Variants in BBX observed in about 807,000 individuals in gnomAD.
BBX encodes the protein BBX high mobility group box domain containing.
Under a neutral mutation model 100.2 loss-of-function variants are expected in BBX, and 30 were observed. The observed-to-expected ratio is 0.30, with a 90% CI of 0.22 to 0.41. The LOEUF is 0.41. BBX is among the 10% of genes least tolerant of loss of function. The probability of loss-of-function intolerance (pLI) is 1.00; values close to 1 mark genes in which losing one functional copy is unlikely to be tolerated. For missense variants in BBX, 1,023 were observed against 1,129.8 expected, an observed-to-expected ratio of 0.91 and a Z score of 1.35; for synonymous variants, 376 against 388.1, an observed-to-expected ratio of 0.97 and a Z score of 0.37.
At chr3:107,626,059 G>A (rs2056148510) in intron 2 of BBX, among the ~76,000 whole-genome samples, 2 of 152,150 alleles carry the variant, frequency 1.3e-5, no homozygotes, top group South Asian at 4.1e-4. Context: ...CACACAAGCT[G>A]AGACATGATC....
chr3:107,802,910 A>G (rs1466297262), intron 17 of BBX, among the ~76,000 whole-genome samples: 1 of 152,142 alleles, frequency 6.6e-6, no homozygotes, highest in Non-Finnish European at 1.5e-5. Context: ...CTCTTCTCTC[A>G]GTCCTCCTGA....
intron 13 of BBX, among the ~76,000 whole-genome samples, chr3:107,780,067 G>C (rs1294619212): frequency 6.6e-6 from 1 of 152,072 alleles, no homozygotes; most frequent in Non-Finnish European, 1.5e-5. Context: ...AATAAAGTAG[G>C]CTTGTTGACA....
At chr3:107,686,030 C>G (rs1416650362) in intron 3 of BBX, among the ~76,000 whole-genome samples, 1 of 152,118 alleles carries the variant, frequency 6.6e-6, no homozygotes, top group Admixed American at 6.6e-5. Flanking sequence ...GAAGAAGAAA[C>G]TAAGAGTCCT....
At chr3:107,605,388 G>T (rs1371848873) in intron 2 of BBX, among the ~76,000 whole-genome samples, 3 of 144,542 alleles carry the variant, frequency 2.1e-5, no homozygotes, top group Admixed American at 6.9e-5. Flanking sequence ...TTTTTTTTTG[G>T]GGGGGGGATT....
At position 107,670,467 on chromosome 3, in the gene BBX, G is replaced by A. The variant is rs534508138; in HGVS notation, c.-10+24558G>A. Among the ~76,000 whole-genome samples, 5 of 151,988 alleles carry A rather than the reference G, an allele frequency of 3.3e-5. No individual in the cohort carries two copies. In the East Asian group the frequency reaches 9.7e-4, roughly 29 times the overall value. On this transcript the variant is annotated intron_variant, in intron 3 of 17. Transcript: ENST00000325805. ...AGAAGTGATAAATGTTTAGGACAAT[G>A]GATATGCAATAATTACCCTGATCTG...
intron 4 of BBX, among the ~76,000 whole-genome samples, chr3:107,712,575 T>C (rs754147301): frequency 2.0e-5 from 3 of 152,182 alleles, no homozygotes; most frequent in East Asian, 3.9e-4. Flanking sequence ...CTTCAAGATA[T>C]GTTCACAGTT....
At chr3:107,611,999 T>C (rs74867725) in intron 2 of BBX, among the ~76,000 whole-genome samples, 1 of 152,184 alleles carries the variant, frequency 6.6e-6, no homozygotes, top group Non-Finnish European at 1.5e-5. Context: ...AGTTCTACTA[T>C]TTAGAGACTC....
At chr3:107,598,683 G>A (rs2053836567) in intron 2 of BBX, among the ~76,000 whole-genome samples, 1 of 152,104 alleles carries the variant, frequency 6.6e-6, no homozygotes, top group Non-Finnish European at 1.5e-5. Context: ...CACATAGGTG[G>A]TAGGAAAAAA....
chr3:107,744,798 AG>A, intron 8 of BBX, 88 bp downstream of exon 8: 1 of 1,077,704 alleles, frequency 9.3e-7, no homozygotes, highest in Non-Finnish European at 1.4e-6. Context: ...AAAGCAATGA[AG>A]AACTCTACTC....
chr3:107,806,538 G>A lies in BBX; in HGVS notation c.*1081G>A, dbSNP rs965707784. ...GTTTTTAGAGCCATTTTGAGTTTGT[G>A]TTGTTTAGGAGGTACTGAGTCAATG... On this transcript the variant is annotated 3_prime_UTR_variant, in exon 18 of 18. Transcript: ENST00000325805. 2 of 152,192 alleles carry A rather than the reference G, an allele frequency of 1.3e-5. No individual in the cohort carries two copies. Among genetic ancestry groups the A allele is most frequent in the Non-Finnish European group, 2.9e-5 (2 of 68,054 alleles). 9.4% of individuals were successfully genotyped at this position (152,192 alleles called of 1,614,324 possible). A position where few individuals can be genotyped will look rare whatever the true frequency, so the allele number is the denominator to read the frequency against.
At chr3:107,688,613 T>C (rs756762623) in intron 3 of BBX, among the ~76,000 whole-genome samples, 4 of 152,222 alleles carry the variant, frequency 2.6e-5, no homozygotes, top group Non-Finnish European at 5.9e-5. Flanking sequence ...ATATTATCTA[T>C]TCCCTAATGA....
chr3:107,736,422 CT>C (rs1218214489), intron 7 of BBX, among the ~76,000 whole-genome samples: 345 of 145,602 alleles, frequency 2.4e-3, no homozygotes, highest in African/African-American at 4.1e-3. Flanking sequence ...TGAATATCAC[CT>C]TTTTTTTTTT....
intron 2 of BBX, among the ~76,000 whole-genome samples, chr3:107,616,716 A>G (rs559695644): frequency 1.3e-5 from 2 of 152,132 alleles, no homozygotes; most frequent in South Asian, 4.1e-4. Context: ...TAAATTGTTC[A>G]TGTATTTTCT....
intron 15 of BBX, among the ~76,000 whole-genome samples, chr3:107,793,589 A>G (rs1345210760): frequency 6.6e-6 from 1 of 152,158 alleles, no homozygotes; most frequent in Non-Finnish European, 1.5e-5. Context: ...TGACTATATC[A>G]CTGCTTATTG....
At chr3:107,610,482 T>C (rs1038850095) in intron 2 of BBX, among the ~76,000 whole-genome samples, 4 of 152,088 alleles carry the variant, frequency 2.6e-5, no homozygotes, top group African/African-American at 9.7e-5. Flanking sequence ...TCTCTCTTTC[T>C]CTTTAGCTCT....
chr3:107,543,468 A>G (rs558927464), intron 2 of BBX, among the ~76,000 whole-genome samples: 1 of 152,244 alleles, frequency 6.6e-6, no homozygotes, highest in African/African-American at 2.4e-5. Context: ...ATGTATTGTT[A>G]GAATGAAACT....
chr3:107,635,388 T>G (rs566549929), intron 2 of BBX, among the ~76,000 whole-genome samples: 1 of 152,356 alleles, frequency 6.6e-6, no homozygotes, highest in East Asian at 1.9e-4. Context: ...TGTGTGCCAC[T>G]GTCCACTTAA....
At chr3:107,643,501 A>T (rs1318040932) in intron 2 of BBX, among the ~76,000 whole-genome samples, 1 of 152,072 alleles carries the variant, frequency 6.6e-6, no homozygotes, top group African/African-American at 2.4e-5. Flanking sequence ...ACCAGGAGTC[A>T]GGAAGCCAAG....
At chr3:107,785,095 T>G (rs932569634) in intron 13 of BBX, among the ~76,000 whole-genome samples, 15 of 150,950 alleles carry the variant, frequency 9.9e-5, no homozygotes, top group Admixed American at 8.6e-4. Flanking sequence ...CACAAACTAC[T>G]GAAACTGGCT....
Sources: allele counts gnomAD v4.1 joint callset (sites outside exome capture counted in the v4.1 genomes callset), GRCh38; gene constraint gnomAD v4.1.1; transcripts MANE v1.5; gene names NCBI Gene and HGNC (gene_info 2026-07-23, HGNC 2026-07-21).